The following PRR16 variants were observed in gnomAD, a reference collection of about 807,000 sequenced individuals.
The protein encoded by PRR16 is protein Largen.
A neutral mutation model predicts 18.2 loss-of-function variants in PRR16; 6 were observed. The ratio of observed to expected loss-of-function variants is 0.33; its 90% confidence interval spans 0.18 to 0.65. PRR16 has a LOEUF of 0.65. Among genes scored for constraint, PRR16 ranks in the 30% least tolerant of loss-of-function variants. The pLI is 0.74. For missense variants in PRR16, 412 were observed against 376.6 expected, an observed-to-expected ratio of 1.09 and a Z score of -0.78; for synonymous variants, 151 against 147.8, an observed-to-expected ratio of 1.02 and a Z score of -0.16.
chr5:120,659,070 T>C (rs1014959664), intron 1 of PRR16, among the ~76,000 whole-genome samples: 2 of 151,886 alleles, frequency 1.3e-5, no homozygotes, highest in Non-Finnish European at 2.9e-5. Flanking sequence ...ATTAGTTTGA[T>C]TCCAAGTCTT....
chr5:120,690,524 C>T (rs1757196676), downstream of PRR16, among the ~76,000 whole-genome samples: 1 of 152,064 alleles, frequency 6.6e-6, no homozygotes, highest in South Asian at 2.1e-4. Context: ...TGATTTCTAA[C>T]TGGGGAAATG....
At chr5:120,748,497 G>T in the PRR16 span, among the ~76,000 whole-genome samples, 2 of 151,724 alleles carry the variant, frequency 1.3e-5, no homozygotes, top group Non-Finnish European at 1.5e-5. Flanking sequence ...TTTCAATGTG[G>T]AAAATATGGA....
At chr5:120,521,998 C>A (rs28809618) in intron 1 of PRR16, among the ~76,000 whole-genome samples, 40,671 of 152,094 alleles carry the variant, frequency 0.27, 5,857 homozygotes, top group African/African-American at 0.36. Context: ...AAAGGACATG[C>A]ACTCATCCTT....
chr5:120,785,563 T>TTTG, the PRR16 span, among the ~76,000 whole-genome samples: 341 of 133,534 alleles, frequency 2.6e-3, no homozygotes, highest in African/African-American at 6.9e-3. Flanking sequence ...GTGTGTGTGT[T>TTTG]TTGTTGTTGT....
intron 1 of PRR16, among the ~76,000 whole-genome samples, chr5:120,513,101 A>C (rs1750880998): frequency 6.6e-6 from 1 of 152,132 alleles, no homozygotes; most frequent in Admixed American, 6.5e-5. Context: ...TAATACAGCC[A>C]AGTGATGGGG....
intron 1 of PRR16, among the ~76,000 whole-genome samples, chr5:120,647,460 A>T (rs1755638838): frequency 6.6e-6 from 1 of 152,092 alleles, no homozygotes; most frequent in Admixed American, 6.6e-5. Flanking sequence ...CTCTACCAAG[A>T]AATTATTCTT....
chr5:120,537,846 G>C (rs1458600926), intron 1 of PRR16, among the ~76,000 whole-genome samples: 2 of 146,784 alleles, frequency 1.4e-5, no homozygotes, highest in East Asian at 4.0e-4. Flanking sequence ...GCGGGATCTC[G>C]GCTCAATGCA....
At chr5:120,470,623 G>A (rs183725233) in intron 1 of PRR16, among the ~76,000 whole-genome samples, 8 of 152,018 alleles carry the variant, frequency 5.3e-5, no homozygotes, top group Admixed American at 2.0e-4. Context: ...GTTATTAAAC[G>A]TCACTAGAAA....
the PRR16 span, among the ~76,000 whole-genome samples, chr5:120,723,998 T>A: frequency 6.6e-6 from 1 of 151,210 alleles, no homozygotes; most frequent in Non-Finnish European, 1.5e-5. Context: ...AAACTACCCA[T>A]AATCTTAAAA....
At chr5:120,472,951 C>T (rs1433790012) in intron 1 of PRR16, among the ~76,000 whole-genome samples, 1 of 152,108 alleles carries the variant, frequency 6.6e-6, no homozygotes, top group Non-Finnish European at 1.5e-5. Flanking sequence ...AGCATATTCT[C>T]TTCTTAAAAC....
intron 1 of PRR16, among the ~76,000 whole-genome samples, chr5:120,513,467 C>T (rs887820644): frequency 3.3e-5 from 5 of 152,152 alleles, no homozygotes; most frequent in African/African-American, 1.2e-4. Flanking sequence ...TGTGACCACA[C>T]TGACCCTCTT....
intron 1 of PRR16, among the ~76,000 whole-genome samples, chr5:120,645,392 C>CA (rs1491103797): frequency 6.7e-6 from 1 of 149,166 alleles, no homozygotes; most frequent in African/African-American, 2.5e-5. Context: ...ATCCCCCCCC[C>CA]ACACACACAC....
chr5:120,699,838 G>A, the PRR16 span, among the ~76,000 whole-genome samples: 4 of 152,176 alleles, frequency 2.6e-5, no homozygotes, highest in African/African-American at 9.7e-5. Context: ...TGAGAGATCA[G>A]TCAGACAAGA....
intron 1 of PRR16, among the ~76,000 whole-genome samples, chr5:120,556,909 A>C (rs554936882): frequency 2.0e-5 from 3 of 151,774 alleles, no homozygotes; most frequent in African/African-American, 4.8e-5. Flanking sequence ...GAATTATCTG[A>C]GAGTTCCCAT....
intron 1 of PRR16, among the ~76,000 whole-genome samples, chr5:120,561,647 C>A (rs1752578291): frequency 6.6e-6 from 1 of 152,108 alleles, no homozygotes; most frequent in South Asian, 2.1e-4. Flanking sequence ...TCTGTGTCCC[C>A]ACCCAGATTT....
intron 1 of PRR16, among the ~76,000 whole-genome samples, chr5:120,635,809 G>A (rs1900887): frequency 0.49 from 74,770 of 151,856 alleles, 19,196 homozygotes; most frequent in Middle Eastern, 0.6. Context: ...CACTCGAATC[G>A]GTAAAGAGGA....
At chr5:120,754,422 A>C in the PRR16 span, among the ~76,000 whole-genome samples, 1 of 99,166 alleles carries the variant, frequency 1.0e-5, no homozygotes, top group Non-Finnish European at 1.8e-5. Context: ...ACTATATATT[A>C]TATAATATAT....
chr5:120,720,625 T>A, the PRR16 span, among the ~76,000 whole-genome samples: 1 of 152,086 alleles, frequency 6.6e-6, no homozygotes, highest in African/African-American at 2.4e-5. Context: ...TCTTTCCTAC[T>A]TTTTGATGAG....
chr5:120,744,830 A>G, the PRR16 span, among the ~76,000 whole-genome samples: 1 of 152,246 alleles, frequency 6.6e-6, no homozygotes, highest in East Asian at 1.9e-4. Flanking sequence ...GTATTTGAGG[A>G]AAAGGGATTG....
Sources: gnomAD v4.1 joint callset for allele counts (sites outside exome capture counted in the v4.1 genomes callset) on GRCh38, gnomAD v4.1.1 for gene constraint, MANE v1.5 for transcripts, NCBI Gene and HGNC (gene_info 2026-07-23, HGNC 2026-07-21) for gene names.